Variants in REPS2 observed in about 807,000 individuals in gnomAD.
The protein encoded by REPS2 is RALBP1 associated Eps domain containing 2.
REPS2 carries 23 observed loss-of-function variants against 53.6 expected under a neutral mutation model. The ratio of observed to expected loss-of-function variants is 0.43; its 90% CI spans 0.31 to 0.61. The LOEUF (loss-of-function observed/expected upper bound fraction) is 0.61, where lower values mean the gene tolerates loss of function less well. Ranked by LOEUF, REPS2 falls within the 20% of genes least tolerant of loss-of-function variation. REPS2 has a pLI of 0.11. For missense variants in REPS2, 446 were observed against 534.9 expected (o/e 0.83, Z 1.64); for synonymous variants, 238 against 218.6 (o/e 1.09, Z -0.78).
At chrX:17,033,631 G>C (rs1401867127) in intron 5 of REPS2, among the ~76,000 whole-genome samples, 1 of 112,118 alleles carries the variant, frequency 8.9e-6, no homozygotes, top group African/African-American at 3.2e-5. Context: ...CCATGCCTCT[G>C]TACTTCTTCG....
At chrX:17,021,550 C>A (rs1352974419) in intron 2 of REPS2, among the ~76,000 whole-genome samples, 1 of 112,601 alleles carries the variant, frequency 8.9e-6, no homozygotes, top group Admixed American at 9.3e-5. Flanking sequence ...AACAAGGGAC[C>A]ATTCTGTAGA....
intron 1 of REPS2, among the ~76,000 whole-genome samples, chrX:17,002,422 A>G (rs1390798866): frequency 8.9e-6 from 1 of 111,770 alleles, no homozygotes; most frequent in Non-Finnish European, 1.9e-5. Context: ...CCCTCTCTTT[A>G]GCAGTGTCAT....
At chrX:17,077,127 A>G in intron 12 of REPS2, 144 bp from the exon 13 acceptor site, 2 of 557,351 alleles carry the variant, frequency 3.6e-6, no homozygotes, top group Non-Finnish European at 2.8e-6. Context: ...GTGGCATTCA[A>G]TGGGTAATAG....
chrX:17,103,613 A>T, intron 13 of REPS2, 105 bp from the exon 14 acceptor site: 1 of 711,139 alleles, frequency 1.4e-6, no homozygotes, highest in East Asian at 3.3e-5. Flanking sequence ...AAACTTAAAG[A>T]TGTTAAATGC....
chrX:17,033,256 C>G (rs759704335), intron 5 of REPS2, among the ~76,000 whole-genome samples: 5 of 111,457 alleles, frequency 4.5e-5, no homozygotes, highest in African/African-American at 6.5e-5. Context: ...TGCCTGCTCT[C>G]CTGGTTTTCC....
intron 2 of REPS2, among the ~76,000 whole-genome samples, chrX:17,015,807 A>G (rs781123493): frequency 8.9e-6 from 1 of 111,963 alleles, no homozygotes; most frequent in South Asian, 3.7e-4. Flanking sequence ...AATCCAGTCT[A>G]TCATTGTGGG....
rs1363059079 is a variant in REPS2, at chrX:17,114,139, A to T, written c.1578+10360A>T. 5.4e-5 allele frequency among the ~76,000 whole-genome samples: 6 copies of T among 111,746 alleles called. 1 individual carries two copies. Among genetic ancestry groups the T allele is most frequent in the Admixed American group, 4.7e-4 (5 of 10,546 alleles). On this transcript the variant is annotated intron_variant, in intron 14 of 17. Transcript: ENST00000357277. The stretch of plus-strand genomic sequence containing the variant: ...TTTCTCATCTCTGAGGATGACCTTG[A>T]AGGTCCATGGTGCATGGTAATTGGC...
chrX:17,109,532 C>T (rs2062931301), intron 14 of REPS2, among the ~76,000 whole-genome samples: 1 of 111,037 alleles, frequency 9.0e-6, no homozygotes, highest in African/African-American at 3.3e-5. Flanking sequence ...TACTCAGACC[C>T]TATGGGGACA....
intron 14 of REPS2, among the ~76,000 whole-genome samples, chrX:17,114,124 C>T (rs762425220): frequency 9.0e-6 from 1 of 111,578 alleles, no homozygotes; most frequent in Non-Finnish European, 1.9e-5. Flanking sequence ...TTTCTCATCT[C>T]TGAGGATGAC....
the REPS2 span, among the ~76,000 whole-genome samples, chrX:17,166,390 T>C: frequency 1.8e-5 from 2 of 112,205 alleles, no homozygotes; most frequent in African/African-American, 6.5e-5. Flanking sequence ...CACAGCCTGC[T>C]GTAATGGGGG....
rs897182962 is a variant in REPS2, at chrX:17,117,851, A to C, written c.1578+14072A>C. Among the ~76,000 whole-genome samples, 164 of 104,986 alleles carry C rather than the reference A, an allele frequency of 1.6e-3. 1 individual carries two copies. Among genetic ancestry groups the C allele is most frequent in the Middle Eastern group, 4.7e-3 (1 of 212 alleles). The allele number at this position is 104,986 out of a possible 115,157, so 91.2% of individuals were successfully genotyped here. A position where few individuals can be genotyped will look rare whatever the true frequency, so the allele number is the denominator to read the frequency against. ...TCTAGATCCCTGAGGAATCGCCACAATGACTTCCACAATGGTTGAACTAGT... is the reference window on the plus strand; with the variant it reads ...TCTAGATCCCTGAGGAATCGCCACACTGACTTCCACAATGGTTGAACTAGT... On this transcript the variant is annotated intron_variant, in intron 14 of 17. Transcript: ENST00000357277.
At chrX:16,964,176 G>A (rs1050574045) in intron 1 of REPS2, among the ~76,000 whole-genome samples, 6 of 107,675 alleles carry the variant, frequency 5.6e-5, no homozygotes, top group Non-Finnish European at 7.7e-5. Flanking sequence ...GGACCCTGCC[G>A]CCTTCCGCAG....
intron 1 of REPS2, chrX:16,978,687 G>C (rs2060985857): frequency 5.8e-6 from 2 of 343,221 alleles, no homozygotes; most frequent in South Asian, 3.0e-4. Flanking sequence ...TGCAGGTAAG[G>C]AAGAAGAATT....
At chrX:17,162,933 G>A in the REPS2 span, among the ~76,000 whole-genome samples, 2 of 112,032 alleles carry the variant, frequency 1.8e-5, no homozygotes, top group South Asian at 3.7e-4. Context: ...TATACAAAAT[G>A]TCCAGTTTGT....
intron 1 of REPS2, among the ~76,000 whole-genome samples, chrX:16,993,875 A>G (rs946471598): frequency 8.9e-6 from 1 of 112,987 alleles, no homozygotes; most frequent in Non-Finnish European, 1.9e-5. Flanking sequence ...GAACTTGCCT[A>G]TGGCAAATCT....
intron 1 of REPS2, among the ~76,000 whole-genome samples, chrX:16,965,445 C>G (rs2060746369): frequency 9.1e-6 from 1 of 109,735 alleles, no homozygotes; most frequent in Admixed American, 9.4e-5. Context: ...GGCTGCTGGG[C>G]GGAGGGGCTC....
At chrX:16,999,432 G>C (rs372135868) in intron 1 of REPS2, among the ~76,000 whole-genome samples, 2 of 93,033 alleles carry the variant, frequency 2.1e-5, no homozygotes, top group South Asian at 1.1e-3. Context: ...TTCTGAGCCA[G>C]AGTGGCAGGC....
At chrX:17,103,582 A>T in intron 13 of REPS2, 136 bp from the exon 14 acceptor site, 1 of 526,977 alleles carries the variant, frequency 1.9e-6, no homozygotes, top group Non-Finnish European at 3.2e-6. Context: ...CTTTTTTCTT[A>T]AGCCTTCAGA....
the REPS2 span, among the ~76,000 whole-genome samples, chrX:17,195,824 A>G: frequency 8.9e-6 from 1 of 112,718 alleles, no homozygotes; most frequent in Non-Finnish European, 1.9e-5. Flanking sequence ...CTTGATAACA[A>G]TAATTAACTT....
Sources: allele counts gnomAD v4.1 joint callset (sites outside exome capture counted in the v4.1 genomes callset), GRCh38; gene constraint gnomAD v4.1.1; transcripts MANE v1.5; gene names NCBI Gene and HGNC (gene_info 2026-07-23, HGNC 2026-07-21).